ADCY10: variants seen among roughly 807,000 people sequenced by gnomAD.
ADCY10 encodes adenylate cyclase type 10.
In ADCY10, 156 loss-of-function variants were observed where a neutral mutation model predicts 183.3. The ratio of observed to expected loss-of-function variants is 0.85; its 90% confidence interval spans 0.75 to 0.97. The LOEUF (loss-of-function observed/expected upper bound fraction) is 0.97. ADCY10 is among the 50% of genes least tolerant of loss of function. The pLI is 0.00. For synonymous variants in ADCY10, 645 were observed against 670.0 expected, an observed-to-expected ratio of 0.96 and a Z score of 0.58; for missense variants, 1,745 against 1,934.3, an observed-to-expected ratio of 0.90 and a Z score of 1.84.
At chr1:167,911,333 C>G (rs1377793272) in intron 1 of ADCY10, among the ~76,000 whole-genome samples, 1 of 152,244 alleles carries the variant, frequency 6.6e-6, no homozygotes, top group East Asian at 1.9e-4. Context: ...TAAATATCTG[C>G]TAGCCATAAT....
intron 26 of ADCY10, among the ~76,000 whole-genome samples, chr1:167,827,334 A>ATTTTT (rs35177857): frequency 5.3e-5 from 7 of 132,902 alleles, no homozygotes; most frequent in African/African-American, 1.7e-4. Flanking sequence ...CGCCCGGCTA[A>ATTTTT]TTTTTTTTTT....
In ADCY10 at chr1:167,846,135, T is replaced by A. The variant is rs1369776110; in HGVS notation, c.2566A>T (p.Met856Leu). 5.6e-6 allele frequency: 9 copies of A among 1,614,078 alleles called. No individual in the cohort carries two copies. Among genetic ancestry groups the A allele is most frequent in the Non-Finnish European group, 7.6e-6 (9 of 1,180,052 alleles). ...AGGGTTGCCAGGGTCTTGATCATCA[T>A]CTTCATATTCCAACAGGGGAGAATC... is the stretch of plus-strand genomic sequence containing the variant. Reference protein sequence around the residue: ...FEILPCWNMKMMIKTLATLVE... With the variant: ...FEILPCWNMKLMIKTLATLVE... The change falls in exon 20 of 33, where the codon ATG (methionine) becomes TTG (leucine). Residue 856 changes from methionine (M) to leucine (L), a missense_variant. Coordinates refer to ENST00000367851, the MANE Select transcript of ADCY10 (RefSeq NM_018417.6).
At chr1:167,884,281 T>C (rs538836487) in intron 8 of ADCY10, among the ~76,000 whole-genome samples, 4 of 152,302 alleles carry the variant, frequency 2.6e-5, no homozygotes, top group East Asian at 1.9e-4. Context: ...ACTTATAATA[T>C]GGCAGAAGAC....
intron 1 of ADCY10, among the ~76,000 whole-genome samples, chr1:167,909,775 C>T (rs888220242): frequency 6.6e-6 from 1 of 152,150 alleles, no homozygotes; most frequent in Non-Finnish European, 1.5e-5. Context: ...TCAGCCAACA[C>T]TTATTTTGTC....
chr1:167,907,730 A>G (rs1201922987), intron 1 of ADCY10, among the ~76,000 whole-genome samples: 3 of 152,256 alleles, frequency 2.0e-5, no homozygotes, highest in African/African-American at 7.2e-5. Flanking sequence ...ATTATTTCCT[A>G]TTTTGGAAGA....
At chr1:167,810,639 G>A in intron 32 of ADCY10, 86 bp downstream of exon 32, 1 of 1,287,520 alleles carries the variant, frequency 7.8e-7, no homozygotes, top group Non-Finnish European at 1.1e-6. Context: ...ATGGCAGCCT[G>A]GTGAAACCTA....
At chr1:167,886,670 T>A (rs9726955) in intron 8 of ADCY10, among the ~76,000 whole-genome samples, 2 of 152,036 alleles carry the variant, frequency 1.3e-5, no homozygotes, top group Non-Finnish European at 1.5e-5. Context: ...CCAAAAGCAA[T>A]GGCAACAAAA....
intron 26 of ADCY10, among the ~76,000 whole-genome samples, chr1:167,827,222 C>A (rs1039756652): frequency 2.6e-5 from 4 of 151,506 alleles, no homozygotes; most frequent in Non-Finnish European, 4.4e-5. Flanking sequence ...GGCTGGAGTG[C>A]AGTGGAGTGA....
intron 23 of ADCY10, chr1:167,834,565 G>A (rs1473462779): frequency 1.3e-5 from 3 of 238,630 alleles, no homozygotes; most frequent in African/African-American, 6.8e-5. Context: ...GTAAGTCCCT[G>A]CACAACTCTC....
chr1:167,893,803 G>C (rs745974843), intron 8 of ADCY10, 50 bp downstream of exon 8: 2 of 1,244,100 alleles, frequency 1.6e-6, no homozygotes, highest in Non-Finnish European at 2.3e-6. Context: ...AATTCCAGCT[G>C]TCCAGATCCC....
intron 27 of ADCY10, 21 bp downstream of exon 27, chr1:167,824,630 T>TCTTGCCCA (rs1663143627): frequency 1.9e-6 from 3 of 1,614,146 alleles, no homozygotes; most frequent in African/African-American, 1.3e-5. Flanking sequence ...TCATGTCCCA[T>TCTTGCCCA]CTTGCCCAGC....
chr1:167,898,427 C>G (rs940462054), intron 6 of ADCY10, among the ~76,000 whole-genome samples: 1 of 151,646 alleles, frequency 6.6e-6, no homozygotes, highest in African/African-American at 2.4e-5. Flanking sequence ...GGTGAAACCC[C>G]GTCTCTACTA....
chr1:167,820,076 T>G (rs1662792135), intron 30 of ADCY10: 1 of 1,573,338 alleles, frequency 6.4e-7, no homozygotes, highest in Non-Finnish European at 8.7e-7. Flanking sequence ...ATCCTTGAGA[T>G]AAAATTTGGC....
chr1:167,906,480 T>C (rs945413099), intron 1 of ADCY10, among the ~76,000 whole-genome samples: 1 of 152,018 alleles, frequency 6.6e-6, no homozygotes, highest in East Asian at 1.9e-4. Context: ...TTTGGTGCTA[T>C]ATGAACTTTT....
At chr1:167,856,632 T>TGGACAGA (rs1665922641) in intron 16 of ADCY10, among the ~76,000 whole-genome samples, 193 bp from the exon 17 acceptor site, 1 of 152,234 alleles carries the variant, frequency 6.6e-6, no homozygotes, top group Non-Finnish European at 1.5e-5. Context: ...TGTGGCTATT[T>TGGACAGA]GGACAGAGCT....
chr1:167,878,353 TG>T, intron 12 of ADCY10, 92 bp downstream of exon 12: 1 of 1,426,958 alleles, frequency 7.0e-7, no homozygotes, highest in Non-Finnish European at 9.8e-7. Flanking sequence ...CTTTTTGAAC[TG>T]GCTCCAAATC....
At chr1:167,854,521 T>C (rs1454073068) in intron 17 of ADCY10, 32 bp from the exon 18 acceptor site, 1 of 1,613,694 alleles carries the variant, frequency 6.2e-7, no homozygotes, top group Non-Finnish European at 8.5e-7. Context: ...CTGTTTACAT[T>C]GAAGATACAT....
intron 11 of ADCY10, among the ~76,000 whole-genome samples, chr1:167,879,344 T>C (rs1667715823): frequency 6.6e-6 from 1 of 152,224 alleles, no homozygotes; most frequent in Non-Finnish European, 1.5e-5. Context: ...TTGTAAGCCT[T>C]CAATTAATAT....
At position 167,875,894 on chromosome 1, in the gene ADCY10, A is replaced by T. The variant is rs140506379; in HGVS notation, c.1407-708T>A. 3.9e-3 allele frequency among the ~76,000 whole-genome samples: 601 copies of T among 152,174 alleles called. 4 individuals carry two copies. Among genetic ancestry groups the T allele is most frequent in the African/African-American group, 0.014 (586 of 41,534 alleles). On this transcript the variant is annotated intron_variant, in intron 12 of 32. Coordinates refer to ENST00000367851, the MANE Select transcript of ADCY10 (RefSeq NM_018417.6). The stretch of plus-strand genomic sequence containing the variant: ...TGTGAACCCGGGAGGGGGAGCTTGC[A>T]GTGAGCCGAGATCGCACCACTGCAC...
Sources: allele counts gnomAD v4.1 joint callset (sites outside exome capture counted in the v4.1 genomes callset), GRCh38; gene constraint gnomAD v4.1.1; transcripts MANE v1.5; gene names NCBI Gene and HGNC (gene_info 2026-07-23, HGNC 2026-07-21).